NCK2: variants seen among roughly 807,000 people sequenced by gnomAD.
NCK2 encodes cytoplasmic protein NCK2.
Under a neutral mutation model 33.9 loss-of-function variants are expected in NCK2, and 16 were observed. The ratio of observed to expected loss-of-function variants is 0.47; its 90% CI spans 0.32 to 0.72. The LOEUF (loss-of-function observed/expected upper bound fraction) is 0.72, where lower values mean the gene tolerates loss of function less well. Ranked by LOEUF, NCK2 falls within the 30% of genes least tolerant of loss-of-function variation. The pLI, the probability that NCK2 is intolerant of heterozygous loss-of-function variation, is 0.03. For missense variants in NCK2, 418 were observed against 537.3 expected (o/e 0.78, Z 2.19); for synonymous variants, 273 against 239.9 (o/e 1.14, Z -1.27).
intron 1 of NCK2, among the ~76,000 whole-genome samples, chr2:105,748,428 A>T (rs1689357751): frequency 6.6e-6 from 1 of 151,960 alleles, no homozygotes; most frequent in African/African-American, 2.4e-5. Flanking sequence ...CCTGTCACCC[A>T]GGCTGGAGTA....
intron 4 of NCK2, among the ~76,000 whole-genome samples, chr2:105,886,955 A>G (rs1195334208): frequency 2.0e-5 from 3 of 152,208 alleles, no homozygotes; most frequent in Non-Finnish European, 2.9e-5. Flanking sequence ...GTCAGTGTGG[A>G]TTGGCTTCAG....
intron 1 of NCK2, among the ~76,000 whole-genome samples, chr2:105,807,976 C>T (rs1245833933): frequency 6.6e-6 from 1 of 151,742 alleles, no homozygotes; most frequent in African/African-American, 2.4e-5. Flanking sequence ...GATCTCAGCT[C>T]ACTTTAGCCT....
chr2:105,754,661 A>G (rs1689550873), intron 1 of NCK2, among the ~76,000 whole-genome samples: 1 of 151,272 alleles, frequency 6.6e-6, no homozygotes, highest in East Asian at 1.9e-4. Context: ...TTGGTAAGAA[A>G]GCAGCTCCCC....
Position 105,793,358 on chromosome 2 carries a change from G to A in NCK2, c.-200-23072G>A, listed in dbSNP as rs554497487. On this transcript the variant is annotated intron_variant, in intron 1 of 4. Coordinates refer to ENST00000233154, the MANE Select transcript of NCK2 (RefSeq NM_003581.5). ...GTGTCATTTAGTATGGAAATTAGAT[G>A]ATAATGAAGTTAAAGGTTCTTCAGA... Among the ~76,000 whole-genome samples, 8 of 152,304 alleles carry A rather than the reference G, an allele frequency of 5.3e-5. No individual in the cohort carries two copies. In the East Asian group the frequency reaches 1.5e-3, roughly 29 times the overall value.
At chr2:105,870,800 G>T (rs890893681) in intron 3 of NCK2, among the ~76,000 whole-genome samples, 1 of 152,132 alleles carries the variant, frequency 6.6e-6, no homozygotes, top group Non-Finnish European at 1.5e-5. Flanking sequence ...AGTTATTCCA[G>T]TCTGGGGAAA....
chr2:105,749,292 G>T (rs1421707538), intron 1 of NCK2, among the ~76,000 whole-genome samples: 1 of 152,178 alleles, frequency 6.6e-6, no homozygotes. Context: ...AGTGCACTCA[G>T]AATTTTAAGT....
intron 3 of NCK2, among the ~76,000 whole-genome samples, chr2:105,872,350 G>A (rs1678049995): frequency 6.6e-6 from 1 of 152,140 alleles, no homozygotes; most frequent in Non-Finnish European, 1.5e-5. Flanking sequence ...TCACATCACT[G>A]AATGGCTCTG....
intron 2 of NCK2, among the ~76,000 whole-genome samples, chr2:105,827,319 G>C (rs1558857641): frequency 6.6e-6 from 1 of 152,126 alleles, no homozygotes; most frequent in Non-Finnish European, 1.5e-5. Context: ...TCTTAAGTAT[G>C]CATGCACCAA....
intron 1 of NCK2, among the ~76,000 whole-genome samples, chr2:105,786,930 C>T (rs1241681618): frequency 6.6e-6 from 1 of 152,242 alleles, no homozygotes; most frequent in Non-Finnish European, 1.5e-5. Context: ...CAGCACCGTC[C>T]AGACTCGAAG....
chr2:105,882,118 C>G, intron 4 of NCK2, 69 bp downstream of exon 4: 7 of 1,404,158 alleles, frequency 5.0e-6, no homozygotes, highest in Non-Finnish European at 6.5e-6. Flanking sequence ...GTCTGTGTGC[C>G]GCGCCCTTTT....
At chr2:105,794,872 C>T (rs748203090) in intron 1 of NCK2, among the ~76,000 whole-genome samples, 9 of 152,114 alleles carry the variant, frequency 5.9e-5, no homozygotes, top group Non-Finnish European at 1.3e-4. Context: ...CATGGTTCCG[C>T]AGCCAAAGAT....
At chr2:105,873,013 G>A (rs1202242222) in intron 3 of NCK2, among the ~76,000 whole-genome samples, 1 of 152,144 alleles carries the variant, frequency 6.6e-6, no homozygotes, top group Non-Finnish European at 1.5e-5. Context: ...AGTGGCATCT[G>A]GTGCCCTCAC....
At chr2:105,802,876 G>A (rs1289327290) in intron 1 of NCK2, among the ~76,000 whole-genome samples, 1 of 152,002 alleles carries the variant, frequency 6.6e-6, no homozygotes, top group African/African-American at 2.4e-5. Context: ...CCACCCAGTT[G>A]TCTGTTTCAT....
At chr2:105,851,864 A>G (rs1238816375) in intron 2 of NCK2, 1 of 152,196 alleles carries the variant, frequency 6.6e-6, no homozygotes, top group Non-Finnish European at 1.5e-5. Flanking sequence ...TAAGTGAGCG[A>G]GCCGGACGTC....
Position 105,860,564 on chromosome 2 carries a change from C to T in NCK2, c.226+5275C>T, listed in dbSNP as rs544660346. ...GGATGAGCGAGCATGTAGTCAGAACCGCATGGGGAGGCCTTACTGGGCTGT... is the reference window on the plus strand; with the variant it reads ...GGATGAGCGAGCATGTAGTCAGAACTGCATGGGGAGGCCTTACTGGGCTGT... On this transcript the variant is annotated intron_variant, in intron 3 of 4. Transcript: ENST00000233154. 3.9e-5 allele frequency among the ~76,000 whole-genome samples: 6 copies of T among 152,132 alleles called. 1 individual carries two copies. The South Asian group carries it at 1.0e-3, about 26-fold the overall frequency.
intron 1 of NCK2, among the ~76,000 whole-genome samples, chr2:105,761,492 C>T (rs1689762896): frequency 1.3e-5 from 2 of 152,146 alleles, no homozygotes; most frequent in South Asian, 4.1e-4. Context: ...TCCACCCTTC[C>T]CAAACCATTA....
intron 4 of NCK2, among the ~76,000 whole-genome samples, chr2:105,886,460 G>A (rs976776307): frequency 9.9e-5 from 15 of 152,182 alleles, no homozygotes; most frequent in African/African-American, 3.4e-4. Flanking sequence ...TGCTGACTTC[G>A]AATCTCTGGG....
chr2:105,881,677 G>C lies in NCK2; in HGVS notation c.576G>C (p.Gln192His), dbSNP rs201888318. The C allele has an allele frequency of 4.3e-6, 7 of 1,613,738 alleles. No homozygotes were observed. The highest frequency in any genetic ancestry group is 3.3e-5 in the South Asian group (3 of 91,046). ...LRKGASLSNG[Q>H]GSRVLHVVQT... ...AGGGCGCCTCGCTGAGCAATGGCCA[G>C]GGCTCCCGCGTGCTGCATGTGGTCC... Residue 192 changes from glutamine to histidine, a missense_variant, in exon 4 of 5, where the codon CAG (glutamine) becomes CAC (histidine). By Grantham distance (24) the Gln-to-His change is conservative. Coordinates refer to ENST00000233154, the MANE Select transcript of NCK2 (RefSeq NM_003581.5).
intron 2 of NCK2, among the ~76,000 whole-genome samples, chr2:105,827,001 A>T (rs969562154): frequency 6.6e-6 from 1 of 151,664 alleles, no homozygotes; most frequent in African/African-American, 2.4e-5. Flanking sequence ...TTTATTTTTT[A>T]TTTTTTATTT....
Sources: allele counts gnomAD v4.1 joint callset (sites outside exome capture counted in the v4.1 genomes callset), GRCh38; gene constraint gnomAD v4.1.1; transcripts MANE v1.5; gene names NCBI Gene and HGNC (gene_info 2026-07-23, HGNC 2026-07-21).